The following LRRC74A variants were observed in gnomAD, a reference collection of about 807,000 sequenced individuals.
LRRC74A encodes leucine rich repeat containing 74A.
A neutral mutation model predicts 57.9 loss-of-function variants in LRRC74A; 44 were observed. That is an observed-to-expected ratio of 0.76 (90% CI 0.60 to 0.98). The LOEUF (loss-of-function observed/expected upper bound fraction) is 0.98, where lower values mean the gene tolerates loss of function less well. Ranked by LOEUF, LRRC74A falls within the 50% of genes least tolerant of loss-of-function variation. LRRC74A has a pLI of 0.00. For missense variants in LRRC74A, 572 were observed against 574.0 expected (o/e 1.00, Z 0.04); for synonymous variants, 211 against 219.4 (o/e 0.96, Z 0.34).
intron 8 of LRRC74A, among the ~76,000 whole-genome samples, chr14:76,852,716 T>C (rs953570410): frequency 6.6e-6 from 1 of 151,366 alleles, no homozygotes; most frequent in African/African-American, 2.4e-5. Context: ...CCTCCCTGGT[T>C]CAAGCGATTC....
rs926120 is a variant in LRRC74A, at chr14:76,826,649, C to T, written c.-49C>T. 354,368 of 1,602,542 alleles carry T rather than the reference C, an allele frequency of 0.22. 42,022 individuals carry two copies. Among genetic ancestry groups the T allele is most frequent in the African/African-American group, 0.35 (26,494 of 74,718 alleles). ...CAGGTGTGCTTCTTAGGGAAGCAGT[C>T]GAGAGGTGGCAAGAAGTTGGCAGCT... On this transcript the variant is annotated 5_prime_UTR_variant, in exon 1 of 14. Transcript: ENST00000689127.
intron 5 of LRRC74A, among the ~76,000 whole-genome samples, chr14:76,842,182 A>G (rs893508021): frequency 7.9e-5 from 12 of 152,138 alleles, no homozygotes; most frequent in African/African-American, 2.9e-4. Context: ...GAAAGCTATT[A>G]ATTTTTGTAC....
At chr14:76,837,617 C>G (rs984367344) in intron 4 of LRRC74A, among the ~76,000 whole-genome samples, 21 of 152,166 alleles carry the variant, frequency 1.4e-4, no homozygotes. Context: ...AACAGGGAGT[C>G]CTTGAAGCCA....
At chr14:76,861,489 G>A (rs1295186652) in intron 11 of LRRC74A, among the ~76,000 whole-genome samples, 2 of 151,988 alleles carry the variant, frequency 1.3e-5, no homozygotes, top group African/African-American at 4.8e-5. Context: ...TCCAACAGCT[G>A]GTAAGGATGT....
At chr14:76,845,449 A>G (rs1002266950) in intron 7 of LRRC74A, among the ~76,000 whole-genome samples, 1 of 152,176 alleles carries the variant, frequency 6.6e-6, no homozygotes, top group Admixed American at 6.5e-5. Flanking sequence ...AGAACACAGA[A>G]ACAACTAACA....
chr14:76,832,734 C>G (rs551444223), intron 3 of LRRC74A, among the ~76,000 whole-genome samples: 1 of 152,318 alleles, frequency 6.6e-6, no homozygotes, highest in East Asian at 1.9e-4. Flanking sequence ...GAGTCAGCTC[C>G]TCTTGGGGTC....
chr14:76,839,000 G>A (rs892225869), intron 5 of LRRC74A, among the ~76,000 whole-genome samples: 1 of 152,092 alleles, frequency 6.6e-6, no homozygotes, highest in African/African-American at 2.4e-5. Flanking sequence ...TCTTTCTATG[G>A]CAGAACAAAT....
chr14:76,844,908 C>G lies in LRRC74A; in HGVS notation c.676+7C>G, dbSNP rs756121948. 18 of 1,497,396 alleles carry G rather than the reference C, an allele frequency of 1.2e-5. No individual in the cohort carries two copies. The highest frequency in any genetic ancestry group is 1.7e-5 in the Non-Finnish European group (18 of 1,074,312). 92.8% of individuals were successfully genotyped at this position (1,497,396 alleles called of 1,614,324 possible). A position where few individuals can be genotyped will look rare whatever the true frequency, so the allele number is the denominator to read the frequency against. ...CACCTGGGCCAGATGCTGGGTGAGT[C>G]TCCCTGGAGGAAGGGACAGCAAAGG... On this transcript the variant is annotated splice_region_variant and intron_variant, in intron 7 of 13. Coordinates refer to ENST00000689127, the MANE Select transcript of LRRC74A (RefSeq NM_001385106.1).
intron 5 of LRRC74A, among the ~76,000 whole-genome samples, chr14:76,840,219 G>A (rs1480999039): frequency 3.3e-5 from 5 of 152,126 alleles, no homozygotes; most frequent in Non-Finnish European, 5.9e-5. Flanking sequence ...GGCTGAGGTG[G>A]GAAAATTGCT....
Position 76,870,144 on chromosome 14 carries a change from C to T in LRRC74A, c.1411C>T (p.Pro471Ser). Reference protein sequence around the residue: ...VNFSFLNTMKP With the variant: ...VNFSFLNTMKS ...TACCAGTTTCTTGAACACGATGAAG[C>T]CATAGCAACAAGTCTGGTCTAGAAA... Residue 471 changes from proline (P) to serine (S), a missense_variant, in exon 14 of 14, where the codon CCA becomes TCA. Pro to Ser is a moderately conservative substitution (Grantham distance 74). Transcript: ENST00000689127. 6.2e-7 allele frequency: 1 copy of T among 1,611,524 alleles called. No homozygotes were observed. The highest frequency in any genetic ancestry group is 8.5e-7 in the Non-Finnish European group (1 of 1,178,832).
intron 12 of LRRC74A, among the ~76,000 whole-genome samples, chr14:76,866,417 G>A (rs1397206114): frequency 6.6e-6 from 1 of 152,132 alleles, no homozygotes; most frequent in Non-Finnish European, 1.5e-5. Flanking sequence ...ACATCCCAAA[G>A]TCCCAACATT....
At position 76,844,853 on chromosome 14, in the gene LRRC74A, C is replaced by A; in HGVS notation, c.628C>A (p.His210Asn). 6.3e-7 allele frequency: 1 copy of A among 1,595,918 alleles called. No homozygotes were observed. Among genetic ancestry groups the A allele is most frequent in the Non-Finnish European group, 8.6e-7 (1 of 1,163,618 alleles). The change falls in exon 7 of 14, where the codon CAC (histidine) becomes AAC (asparagine). Residue 210 changes from histidine (H) to asparagine (N), a missense_variant. His to Asn is a moderately conservative substitution (Grantham distance 68). Coordinates refer to ENST00000689127, the MANE Select transcript of LRRC74A (RefSeq NM_001385106.1). ...CCAAATTAAAAAGCTGGATCTCAGT[C>A]ACAACCAATTCTCTGATGTAGGAGG... ...NYQIKKLDLS[H>N]NQFSDVGGEH...
intron 9 of LRRC74A, 25 bp downstream of exon 9, chr14:76,853,435 GTGTGT>G (rs1383257808): frequency 1.5e-5 from 14 of 919,468 alleles, no homozygotes; most frequent in Non-Finnish European, 2.1e-5. Flanking sequence ...GAAAGGGTGT[GTGTGT>G]GTGTGTGTGT....
At chr14:76,849,704 G>A (rs1187624815) in intron 7 of LRRC74A, among the ~76,000 whole-genome samples, 6 of 151,062 alleles carry the variant, frequency 4.0e-5, no homozygotes, top group Non-Finnish European at 7.4e-5. Flanking sequence ...TCGGGAGGGT[G>A]AGGCAGGAGA....
In LRRC74A at chr14:76,826,436, A is replaced by C; in HGVS notation, c.-262A>C. Reference sequence around the variant, plus strand: ...GGGCTCCCAGCAATAGAGCAGTCCCACTCTCCCAGATGAGCTGGAGAAGTA... The same window carrying C: ...GGGCTCCCAGCAATAGAGCAGTCCCCCTCTCCCAGATGAGCTGGAGAAGTA... On this transcript the variant is annotated 5_prime_UTR_variant, in exon 1 of 14. Coordinates refer to ENST00000689127, the MANE Select transcript of LRRC74A (RefSeq NM_001385106.1). 3 of 1,303,342 alleles carry C rather than the reference A, an allele frequency of 2.3e-6. No individual in the cohort carries two copies. The highest frequency in any genetic ancestry group is 3.2e-6 in the Non-Finnish European group (3 of 941,816). The allele number at this position is 1,303,342 out of a possible 1,614,324, so 80.7% of individuals were successfully genotyped here.
At chr14:76,859,810 G>A (rs779395129) in intron 10 of LRRC74A, among the ~76,000 whole-genome samples, 5 of 151,650 alleles carry the variant, frequency 3.3e-5, no homozygotes, top group Admixed American at 2.6e-4. Flanking sequence ...TGAGTAGCTG[G>A]GATTACAGGC....
Position 76,860,783 on chromosome 14 carries a change from G to A in LRRC74A, c.1144G>A (p.Gly382Ser), listed in dbSNP as rs367749455. The A allele has an allele frequency of 6.2e-7, 1 of 1,610,944 alleles. No individual in the cohort carries two copies. Among genetic ancestry groups the A allele is most frequent in the Non-Finnish European group, 8.5e-7 (1 of 1,177,848 alleles). ...QLDVVFKAVQ[G>S]LSPKKTIFLL... The stretch of plus-strand genomic sequence containing the variant: ...GGACGTGGTATTCAAGGCAGTACAA[G>A]GCCTCTCTCCCAAGAAAACCATCTT... The change falls in exon 11 of 14, where the codon GGC becomes AGC. Residue 382 changes from glycine (G) to serine (S), a missense_variant. By Grantham distance (56) the Gly-to-Ser change is moderately conservative. Transcript: ENST00000689127.
chr14:76,851,834 T>A (rs1213004506), intron 7 of LRRC74A, among the ~76,000 whole-genome samples: 1 of 151,914 alleles, frequency 6.6e-6, no homozygotes, highest in Admixed American at 6.6e-5. Flanking sequence ...CCCAGCTAAT[T>A]TTTGTATTTT....
intron 8 of LRRC74A, 41 bp from the exon 9 acceptor site, chr14:76,853,175 C>G: frequency 6.4e-7 from 1 of 1,551,036 alleles, no homozygotes; most frequent in Admixed American, 1.7e-5. Flanking sequence ...ATGAGTCACG[C>G]GTAACCTTGA....
Sources: gnomAD v4.1 joint callset for allele counts (sites outside exome capture counted in the v4.1 genomes callset) on GRCh38, gnomAD v4.1.1 for gene constraint, MANE v1.5 for transcripts, NCBI Gene and HGNC (gene_info 2026-07-23, HGNC 2026-07-21) for gene names.